Variants in EFNA5 observed in about 807,000 individuals in gnomAD.
EFNA5 encodes the protein ephrin-A5.
EFNA5 carries 5 observed loss-of-function variants against 22.9 expected under a neutral mutation model. The observed-to-expected ratio is 0.22, with a 90% CI of 0.11 to 0.46. The LOEUF is 0.46. Ranked by LOEUF, EFNA5 falls within the 20% of genes least tolerant of loss-of-function variation. The pLI is 0.99. For synonymous variants in EFNA5, 113 were observed against 112.2 expected (o/e 1.01, Z -0.04); for missense variants, 237 against 293.3 (o/e 0.81, Z 1.40).
chr5:107,605,628 TGCCAGC>T (rs941505733), intron 1 of EFNA5, among the ~76,000 whole-genome samples: 2 of 151,958 alleles, frequency 1.3e-5, no homozygotes, highest in African/African-American at 2.4e-5. Context: ...TATGGTTCAT[TGCCAGC>T]ACCTTTCTCT....
chr5:107,494,368 G>C (rs1291092974), intron 1 of EFNA5, among the ~76,000 whole-genome samples: 3 of 152,236 alleles, frequency 2.0e-5, no homozygotes, highest in African/African-American at 7.2e-5. Flanking sequence ...CGCCCGGGCA[G>C]TGAGGGGCTT....
At chr5:107,471,143 T>C (rs1175008730) in intron 1 of EFNA5, among the ~76,000 whole-genome samples, 1 of 152,176 alleles carries the variant, frequency 6.6e-6, no homozygotes, top group Non-Finnish European at 1.5e-5. Flanking sequence ...CCCTATTCTG[T>C]AAAATCAATT....
intron 1 of EFNA5, among the ~76,000 whole-genome samples, chr5:107,470,894 A>C (rs1260743726): frequency 6.6e-6 from 1 of 152,084 alleles, no homozygotes; most frequent in Admixed American, 6.6e-5. Context: ...AAATACACGA[A>C]ATCAGGAGTA....
At chr5:107,424,501 C>A (rs1748758792) in intron 2 of EFNA5, among the ~76,000 whole-genome samples, 1 of 151,812 alleles carries the variant, frequency 6.6e-6, no homozygotes, top group African/African-American at 2.4e-5. Context: ...CAGATGTGAG[C>A]CACTGTGCAC....
intron 1 of EFNA5, among the ~76,000 whole-genome samples, chr5:107,621,990 T>A (rs773359627): frequency 3.3e-5 from 5 of 152,010 alleles, no homozygotes; most frequent in Admixed American, 3.3e-4. Context: ...AGAACTGTAA[T>A]GTAACCATGT....
intron 1 of EFNA5, among the ~76,000 whole-genome samples, chr5:107,540,350 T>C (rs77322773): frequency 0.024 from 3,693 of 152,178 alleles, 129 homozygotes; most frequent in African/African-American, 0.08. Flanking sequence ...GCTACGGCTG[T>C]AAAAGAATAC....
intron 2 of EFNA5, among the ~76,000 whole-genome samples, chr5:107,409,126 G>A (rs1437805953): frequency 6.6e-6 from 1 of 152,188 alleles, no homozygotes; most frequent in Non-Finnish European, 1.5e-5. Context: ...GGGAGTACCA[G>A]ATGCAAGACA....
rs141633375 is a variant in EFNA5, at chr5:107,634,647, G to A, written c.125+35842C>T. On this transcript the variant is annotated intron_variant, in intron 1 of 4. Coordinates refer to ENST00000333274, the MANE Select transcript of EFNA5 (RefSeq NM_001962.3). Reference sequence around the variant, plus strand: ...ACACTGACAGTATCTGATATCAGGTGGATGTTCTTTACCCACATAGGCAGA... The same window carrying A: ...ACACTGACAGTATCTGATATCAGGTAGATGTTCTTTACCCACATAGGCAGA... 1.1e-4 allele frequency among the ~76,000 whole-genome samples: 16 copies of A among 146,336 alleles called. No individual in the cohort carries two copies. In the East Asian group the frequency reaches 2.4e-3, roughly 22 times the overall value.
At chr5:107,505,638 G>A (rs111874511) in intron 1 of EFNA5, among the ~76,000 whole-genome samples, 1,793 of 152,256 alleles carry the variant, frequency 0.012, 26 homozygotes, top group African/African-American at 0.039. Context: ...ATAGCAAAGC[G>A]TGTGAATATA....
In EFNA5 at chr5:107,658,278, C is replaced by T. The variant is rs1750871407; in HGVS notation, c.125+12211G>A. Among the ~76,000 whole-genome samples, 3 of 152,168 alleles carry T rather than the reference C, an allele frequency of 2.0e-5. No individual in the cohort carries two copies. In the South Asian group the frequency reaches 6.2e-4, roughly 31 times the overall value. ...CTGCGGTGTAATTCTGGCATTGCCA[C>T]ATAAAATACATCTTGGGAGGGTTTG... On this transcript the variant is annotated intron_variant, in intron 1 of 4. Transcript: ENST00000333274.
intron 1 of EFNA5, among the ~76,000 whole-genome samples, chr5:107,553,780 CAT>C (rs1242464882): frequency 1.3e-5 from 2 of 152,110 alleles, no homozygotes; most frequent in East Asian, 1.9e-4. Context: ...CCAAATGAAA[CAT>C]ATTGAATATT....
At chr5:107,511,975 T>G (rs1342734307) in intron 1 of EFNA5, among the ~76,000 whole-genome samples, 1 of 152,196 alleles carries the variant, frequency 6.6e-6, no homozygotes, top group Admixed American at 6.5e-5. Context: ...AAAGACCTAC[T>G]TTCCTTAAGA....
chr5:107,642,362 G>C (rs1377592944), intron 1 of EFNA5, among the ~76,000 whole-genome samples: 1 of 150,550 alleles, frequency 6.6e-6, no homozygotes, highest in East Asian at 2.0e-4. Context: ...AGTATGTGAA[G>C]TAATGCATGT....
chr5:107,430,770 CTTTCTTTTTTTTTTT>C (rs1330222899), intron 1 of EFNA5, among the ~76,000 whole-genome samples: 10 of 104,822 alleles, frequency 9.5e-5, no homozygotes, highest in Non-Finnish European at 1.6e-4. Flanking sequence ...TTATTTCTTT[CTTTCTTTTTTTTTTT>C]TTTTTTTTTT....
At chr5:107,478,612 A>G (rs1349108798) in intron 1 of EFNA5, among the ~76,000 whole-genome samples, 1 of 152,200 alleles carries the variant, frequency 6.6e-6, no homozygotes, top group African/African-American at 2.4e-5. Context: ...TACAGCATGA[A>G]AGTTGAAAAC....
intron 2 of EFNA5, among the ~76,000 whole-genome samples, chr5:107,420,078 T>C (rs1748613808): frequency 6.6e-6 from 1 of 152,148 alleles, no homozygotes. Context: ...AGCAAAACAA[T>C]TCTTAATGTA....
chr5:107,531,740 T>C (rs919946351), intron 1 of EFNA5, among the ~76,000 whole-genome samples: 2 of 152,192 alleles, frequency 1.3e-5, no homozygotes, highest in African/African-American at 4.8e-5. Context: ...AGGCATTCTC[T>C]CCTTGCCTTT....
chr5:107,617,435 G>T (rs1394459407), intron 1 of EFNA5, among the ~76,000 whole-genome samples: 1 of 152,112 alleles, frequency 6.6e-6, no homozygotes. Flanking sequence ...ATTTCTGCCT[G>T]TTTTGGGGAA....
chr5:107,434,784 A>C (rs1255869356), intron 1 of EFNA5, among the ~76,000 whole-genome samples: 4 of 152,254 alleles, frequency 2.6e-5, no homozygotes, highest in African/African-American at 9.6e-5. Context: ...TCAATAATGA[A>C]AATGTTATTT....
Sources: allele counts gnomAD v4.1 joint callset (sites outside exome capture counted in the v4.1 genomes callset), GRCh38; gene constraint gnomAD v4.1.1; transcripts MANE v1.5; gene names NCBI Gene and HGNC (gene_info 2026-07-23, HGNC 2026-07-21).